STRN: variants seen among roughly 807,000 people sequenced by gnomAD.
STRN encodes the protein protein phosphatase 2 regulatory subunit B'''alpha.
Under a neutral mutation model 96.3 loss-of-function variants are expected in STRN, and 53 were observed. The ratio of observed to expected loss-of-function variants is 0.55; its 90% CI spans 0.44 to 0.69. The LOEUF (loss-of-function observed/expected upper bound fraction) is 0.69. Among genes scored for constraint, STRN ranks in the 30% least tolerant of loss-of-function variants. The pLI is 0.00. For synonymous variants in STRN, 428 were observed against 355.9 expected, an observed-to-expected ratio of 1.20 and a Z score of -2.28; for missense variants, 987 against 963.9, an observed-to-expected ratio of 1.02 and a Z score of -0.32.
At chr2:36,908,749 G>A (rs1368702424) in intron 3 of STRN, among the ~76,000 whole-genome samples, 3 of 152,064 alleles carry the variant, frequency 2.0e-5, no homozygotes, top group African/African-American at 2.4e-5. Context: ...CGTGGTGGGC[G>A]GATCACTCAA....
Position 36,872,520 on chromosome 2 carries a change from G to A in STRN, c.1324-2791C>T, listed in dbSNP as rs535974709. Among the ~76,000 whole-genome samples the A allele has an allele frequency of 3.3e-5, 5 of 152,306 alleles. No homozygotes were observed. The East Asian group carries it at 7.7e-4, about 24-fold the overall frequency. On this transcript the variant is annotated intron_variant, in intron 10 of 17. Transcript: ENST00000263918. The stretch of plus-strand genomic sequence containing the variant: ...TGTATTCCTGACCCACAGAAACTAT[G>A]AAGATAATAAATGTTTTTTGTTTTA...
At chr2:36,891,171 T>C (rs985981813) in intron 7 of STRN, among the ~76,000 whole-genome samples, 1 of 152,192 alleles carries the variant, frequency 6.6e-6, no homozygotes, top group African/African-American at 2.4e-5. Flanking sequence ...ACATCAGGGA[T>C]AGACAGACAG....
intron 1 of STRN, among the ~76,000 whole-genome samples, chr2:36,933,648 G>C (rs1670629105): frequency 6.6e-6 from 1 of 152,138 alleles, no homozygotes; most frequent in African/African-American, 2.4e-5. Flanking sequence ...TTTTGAGACA[G>C]GGTTGGAGTG....
At chr2:36,894,078 T>G in intron 6 of STRN, 45 bp from the exon 7 acceptor site, 10 of 1,581,226 alleles carry the variant, frequency 6.3e-6, no homozygotes, top group Non-Finnish European at 8.6e-6. Context: ...ATAGTTTCCC[T>G]TTACCACTGA....
intron 1 of STRN, among the ~76,000 whole-genome samples, chr2:36,951,327 C>A (rs994141672): frequency 6.6e-6 from 1 of 152,202 alleles, no homozygotes; most frequent in Non-Finnish European, 1.5e-5. Flanking sequence ...CCTGTGGCAT[C>A]CCTGAAATGA....
At chr2:36,872,689 T>C (rs1668792954) in intron 10 of STRN, among the ~76,000 whole-genome samples, 1 of 152,196 alleles carries the variant, frequency 6.6e-6, no homozygotes, top group Non-Finnish European at 1.5e-5. Flanking sequence ...GAATGAGCTT[T>C]ATCTGGAGAG....
rs1185595213 is a variant in STRN at position 36,845,083 on chromosome 2, A to G, written c.*4373T>C. On this transcript the variant is annotated 3_prime_UTR_variant, in exon 18 of 18. Coordinates refer to ENST00000263918, the MANE Select transcript of STRN (RefSeq NM_003162.4). The stretch of plus-strand genomic sequence containing the variant: ...ATGATTATGTACTTAATAGCCTTGT[A>G]GTCACTTTCAAAGAATAAAGTAATC... 1 of 152,180 alleles carries G rather than the reference A, an allele frequency of 6.6e-6. No homozygotes were observed. The highest frequency in any genetic ancestry group is 1.5e-5 in the Non-Finnish European group (1 of 68,020). 9.4% of individuals were successfully genotyped at this position (152,180 alleles called of 1,614,324 possible).
At chr2:36,859,314 A>G (rs1182617987) in intron 13 of STRN, among the ~76,000 whole-genome samples, 1 of 152,176 alleles carries the variant, frequency 6.6e-6, no homozygotes, top group Non-Finnish European at 1.5e-5. Flanking sequence ...ACAAAGACCT[A>G]AGGCCAGGGG....
chr2:36,905,669 G>T (rs1669801546), intron 3 of STRN, 51 bp from the exon 4 acceptor site: 4 of 1,463,398 alleles, frequency 2.7e-6, no homozygotes, highest in African/African-American at 1.4e-5. Flanking sequence ...GTATTAGAGG[G>T]CATCTTAATT....
chr2:36,854,377 T>A (rs1668293061), intron 15 of STRN, among the ~76,000 whole-genome samples: 1 of 152,204 alleles, frequency 6.6e-6, no homozygotes, highest in Admixed American at 6.5e-5. Context: ...CAAAGTTCTA[T>A]TCATGCTTAC....
rs917423888 is a variant in STRN at position 36,879,965 on chromosome 2, T to C, written c.1187-1938A>G. On this transcript the variant is annotated intron_variant, in intron 9 of 17. Transcript: ENST00000263918. The stretch of plus-strand genomic sequence containing the variant: ...GGCGACAGGGCAAGACCCCTATATC[T>C]TAAAAAAAAAAAAAAATCTGAGACG... 4.3e-4 allele frequency among the ~76,000 whole-genome samples: 65 copies of C among 150,084 alleles called. 1 individual carries two copies. Among genetic ancestry groups the C allele is most frequent in the Admixed American group, 3.8e-3 (57 of 15,100 alleles).
rs568753704 is a variant in STRN, at chr2:36,907,695, G to GT, written c.413-2078dup. 2.7e-4 allele frequency among the ~76,000 whole-genome samples: 41 copies of GT among 152,164 alleles called. 1 individual carries two copies. The South Asian group carries it at 8.3e-3, about 31-fold the overall frequency. On this transcript the variant is annotated intron_variant, in intron 3 of 17. Coordinates refer to ENST00000263918, the MANE Select transcript of STRN (RefSeq NM_003162.4). ...TTGAGTTTTGGAAGGCAATTTTCAG[G>GT]TTTTTTAGTTAGAAACACAATTGTA...
Position 36,886,696 on chromosome 2 carries a change from A to G in STRN, c.1042+20T>C. ...AAGAGGCAAGATTTATGATTTACAG[A>G]TACAATGTTTTCCACTTACTCTTCA... On this transcript the variant is annotated intron_variant, in intron 8 of 17. Transcript: ENST00000263918. 6.3e-7 allele frequency: 1 copy of G among 1,580,566 alleles called. No individual in the cohort carries two copies. Among genetic ancestry groups the G allele is most frequent in the South Asian group, 1.2e-5 (1 of 86,800 alleles).
intron 2 of STRN, among the ~76,000 whole-genome samples, chr2:36,917,464 G>C (rs191088431): frequency 9.4e-5 from 14 of 148,914 alleles, no homozygotes; most frequent in Non-Finnish European, 1.8e-4. Context: ...AGGTTGCAGT[G>C]AGTGAGCCAA....
In STRN at chr2:36,896,549, A is replaced by C. The variant is rs189195940; in HGVS notation, c.796-2516T>G. ...CGATGAGCTTATAAATCAATTTAGG[A>C]AATTAAGAGAAAACCAAAGAAGTTA... On this transcript the variant is annotated intron_variant, in intron 6 of 17. Coordinates refer to ENST00000263918, the MANE Select transcript of STRN (RefSeq NM_003162.4). Among the ~76,000 whole-genome samples, 325 of 152,312 alleles carry C rather than the reference A, an allele frequency of 2.1e-3. 5 individuals carry two copies. Among genetic ancestry groups the C allele is most frequent in the Admixed American group, 3.9e-3 (60 of 15,286 alleles).
In STRN at chr2:36,839,341, G is replaced by A. The variant is rs1375260745; in HGVS notation, c.*10115C>T. Among the ~76,000 whole-genome samples, 1 of 152,022 alleles carries A rather than the reference G, an allele frequency of 6.6e-6. No individual in the cohort carries two copies. The highest frequency in any genetic ancestry group is 2.4e-5 in the African/African-American group (1 of 41,374). On this transcript the variant is annotated 3_prime_UTR_variant, in exon 18 of 18. Transcript: ENST00000263918. Reference sequence around the variant, plus strand: ...GTGAAGTTTTTGTTTACTGCTGACTGCCAGCAACTAGAACTGTGTGGCATA... The same window carrying A: ...GTGAAGTTTTTGTTTACTGCTGACTACCAGCAACTAGAACTGTGTGGCATA...
At chr2:36,909,898 C>A (rs748283398) in intron 3 of STRN, among the ~76,000 whole-genome samples, 1 of 152,062 alleles carries the variant, frequency 6.6e-6, no homozygotes, top group East Asian at 1.9e-4. Context: ...TCAGGCCGGG[C>A]GCAGTGGCTC....
At chr2:36,949,139 G>C (rs1278540948) in intron 1 of STRN, among the ~76,000 whole-genome samples, 2 of 152,170 alleles carry the variant, frequency 1.3e-5, no homozygotes, top group African/African-American at 2.4e-5. Flanking sequence ...TGTTACATCT[G>C]CCTACAGTAT....
intron 15 of STRN, among the ~76,000 whole-genome samples, chr2:36,853,277 T>A (rs1452625969): frequency 6.6e-6 from 1 of 152,218 alleles, no homozygotes; most frequent in Non-Finnish European, 1.5e-5. Flanking sequence ...GACTACGCAT[T>A]ATTTCCTCCA....
Sources: gnomAD v4.1 joint callset for allele counts (sites outside exome capture counted in the v4.1 genomes callset) on GRCh38, gnomAD v4.1.1 for gene constraint, MANE v1.5 for transcripts, NCBI Gene and HGNC (gene_info 2026-07-23, HGNC 2026-07-21) for gene names.